The following ADGRB3 variants were observed in gnomAD, a reference collection of about 807,000 sequenced individuals.
ADGRB3 encodes brain-specific angiogenesis inhibitor 3.
Under a neutral mutation model 193.4 loss-of-function variants are expected in ADGRB3, and 37 were observed. The ratio of observed to expected loss-of-function variants is 0.19; its 90% CI spans 0.15 to 0.25. ADGRB3 has a LOEUF of 0.25. Ranked by LOEUF, ADGRB3 falls within the 10% of genes least tolerant of loss-of-function variation. The probability of loss-of-function intolerance (pLI) is 1.00; values close to 1 mark genes in which losing one functional copy is unlikely to be tolerated. For missense variants in ADGRB3, 1,637 were observed against 1,852.9 expected (o/e 0.88, Z 2.14); for synonymous variants, 690 against 644.2 (o/e 1.07, Z -1.08).
chr6:69,384,399 T>G (rs1000051971), intron 31 of ADGRB3, among the ~76,000 whole-genome samples: 1 of 152,054 alleles, frequency 6.6e-6, no homozygotes, highest in Admixed American at 6.6e-5. Flanking sequence ...ATTACACCAT[T>G]GAGATTAGAC....
At chr6:69,292,153 A>G (rs965083619) in intron 20 of ADGRB3, among the ~76,000 whole-genome samples, 17 of 152,110 alleles carry the variant, frequency 1.1e-4, no homozygotes, top group African/African-American at 3.4e-4. Context: ...GAAGACTCCC[A>G]TGTCTTGTAA....
At chr6:69,225,074 T>C (rs1218876254) in intron 17 of ADGRB3, among the ~76,000 whole-genome samples, 3 of 152,160 alleles carry the variant, frequency 2.0e-5, no homozygotes, top group African/African-American at 7.2e-5. Context: ...GGGAGATTGA[T>C]CCCCACCTCA....
intron 10 of ADGRB3, among the ~76,000 whole-genome samples, chr6:68,990,529 G>C (rs1251420069): frequency 6.6e-6 from 1 of 152,126 alleles, no homozygotes; most frequent in African/African-American, 2.4e-5. Context: ...CTTCTAAGCA[G>C]CTGTCAGATG....
chr6:69,013,103 G>T lies in ADGRB3; in HGVS notation c.1930-935G>T, dbSNP rs3799006. Among the ~76,000 whole-genome samples, 243 of 152,154 alleles carry T rather than the reference G, an allele frequency of 1.6e-3. 1 individual carries two copies. Among genetic ancestry groups the T allele is most frequent in the African/African-American group, 5.7e-3 (235 of 41,514 alleles). On this transcript the variant is annotated intron_variant, in intron 11 of 31. Coordinates refer to ENST00000370598, the MANE Select transcript of ADGRB3 (RefSeq NM_001704.3). ...CCCAAGTCACAGCTCGCCTTCAAAG[G>T]CACGCTGGTTGTTCTCTCCTGGTTC...
intron 3 of ADGRB3, among the ~76,000 whole-genome samples, chr6:68,856,054 G>T (rs1764978150): frequency 6.6e-6 from 1 of 152,164 alleles, no homozygotes; most frequent in Admixed American, 6.6e-5. Flanking sequence ...GAGTAGACCT[G>T]CATAAGCTTT....
At chr6:68,712,840 C>T in intron 3 of ADGRB3, among the ~76,000 whole-genome samples, 1 of 151,858 alleles carries the variant, frequency 6.6e-6, no homozygotes. Flanking sequence ...CTTTAGTTTT[C>T]AGAGTTCAAA....
intron 3 of ADGRB3, among the ~76,000 whole-genome samples, chr6:68,927,123 T>C (rs1306748503): frequency 6.6e-6 from 1 of 152,050 alleles, no homozygotes; most frequent in Non-Finnish European, 1.5e-5. Context: ...CATAAAGATA[T>C]AGGAAATAAC....
chr6:68,980,665 T>C (rs1385507256), intron 10 of ADGRB3, among the ~76,000 whole-genome samples: 1 of 151,508 alleles, frequency 6.6e-6, no homozygotes, highest in Non-Finnish European at 1.5e-5. Context: ...CAATGAGCAA[T>C]TAAGAAACCA....
intron 3 of ADGRB3, among the ~76,000 whole-genome samples, chr6:68,810,748 T>A (rs1453532374): frequency 6.6e-6 from 1 of 151,908 alleles, no homozygotes; most frequent in Non-Finnish European, 1.5e-5. Flanking sequence ...AGAAAAATAA[T>A]ATAAAAAAGT....
intron 3 of ADGRB3, among the ~76,000 whole-genome samples, chr6:68,757,585 T>C (rs1449734607): frequency 6.6e-6 from 1 of 152,138 alleles, no homozygotes; most frequent in Non-Finnish European, 1.5e-5. Flanking sequence ...ATTTCTTCAG[T>C]GCTGTGTCCC....
intron 20 of ADGRB3, among the ~76,000 whole-genome samples, chr6:69,281,976 G>A (rs1156989201): frequency 6.6e-6 from 1 of 152,060 alleles, no homozygotes; most frequent in Non-Finnish European, 1.5e-5. Flanking sequence ...AGCATCACTG[G>A]GGTATCTCTC....
At chr6:68,857,120 G>A (rs1437538516) in intron 3 of ADGRB3, among the ~76,000 whole-genome samples, 1 of 152,180 alleles carries the variant, frequency 6.6e-6, no homozygotes, top group Non-Finnish European at 1.5e-5. Context: ...AATGCCGGAT[G>A]ACCAGGCAGA....
At chr6:68,759,654 C>A (rs1006504907) in intron 3 of ADGRB3, among the ~76,000 whole-genome samples, 1 of 151,882 alleles carries the variant, frequency 6.6e-6, no homozygotes, top group Non-Finnish European at 1.5e-5. Context: ...TTTTTTAATG[C>A]AAGATATTTC....
chr6:69,156,187 T>C lies in ADGRB3; in HGVS notation c.2481-77103T>C, dbSNP rs148075280. 3.6e-3 allele frequency among the ~76,000 whole-genome samples: 552 copies of C among 152,272 alleles called. 2 individuals are homozygous for C. The highest frequency in any genetic ancestry group is 0.012 in the African/African-American group (513 of 41,550). On this transcript the variant is annotated intron_variant, in intron 17 of 31. Transcript: ENST00000370598. ...TGTTGGCCCTGTAATGGTTAAAAAA[T>C]GAACATGGTTCCTGCCCTCGAATTA...
rs544383486 is a variant in ADGRB3 at position 68,979,882 on chromosome 6, C to T, written c.1734+4542C>T. ...TCTCTCTCCTCTTCCTCCTCTTCCT[C>T]TCTTTTACATACATACAAACACACA... On this transcript the variant is annotated intron_variant, in intron 10 of 31. Coordinates refer to ENST00000370598, the MANE Select transcript of ADGRB3 (RefSeq NM_001704.3). Among the ~76,000 whole-genome samples, 3 of 151,562 alleles carry T rather than the reference C, an allele frequency of 2.0e-5. No individual in the cohort carries two copies. In the South Asian group the frequency reaches 6.2e-4, roughly 31 times the overall value.
At chr6:68,779,314 A>G (rs1258833148) in intron 3 of ADGRB3, among the ~76,000 whole-genome samples, 1 of 151,696 alleles carries the variant, frequency 6.6e-6, no homozygotes, top group Non-Finnish European at 1.5e-5. Context: ...TTAGAAAGCT[A>G]TAGCAGATGT....
intron 24 of ADGRB3, among the ~76,000 whole-genome samples, chr6:69,333,417 A>C (rs944159619): frequency 1.3e-5 from 2 of 152,248 alleles, no homozygotes; most frequent in South Asian, 2.1e-4. Context: ...AACAGGGCAA[A>C]ATACTATATT....
intron 3 of ADGRB3, among the ~76,000 whole-genome samples, chr6:68,750,511 G>T (rs1387376151): frequency 1.3e-5 from 2 of 152,118 alleles, no homozygotes; most frequent in Non-Finnish European, 2.9e-5. Context: ...CTATATATTT[G>T]CACTGAAGCA....
chr6:69,276,188 G>A (rs989326030), intron 20 of ADGRB3, among the ~76,000 whole-genome samples: 1 of 152,188 alleles, frequency 6.6e-6, no homozygotes, highest in African/African-American at 2.4e-5. Context: ...GGAATTTAGC[G>A]TATTTCTGTG....
Sources: gnomAD v4.1 joint callset for allele counts (sites outside exome capture counted in the v4.1 genomes callset) on GRCh38, gnomAD v4.1.1 for gene constraint, MANE v1.5 for transcripts, NCBI Gene and HGNC (gene_info 2026-07-23, HGNC 2026-07-21) for gene names.